The following TRAPPC9 variants were observed in gnomAD, a reference collection of about 807,000 sequenced individuals.
TRAPPC9 encodes trafficking protein particle complex subunit 9.
In TRAPPC9, 83 loss-of-function variants were observed where a neutral mutation model predicts 124.0. The observed-to-expected ratio is 0.67, with a 90% CI of 0.56 to 0.80. The LOEUF is 0.80. Among genes scored for constraint, TRAPPC9 ranks in the 30% least tolerant of loss-of-function variants. The pLI, the probability that TRAPPC9 is intolerant of heterozygous loss-of-function variation, is 0.00. For synonymous variants in TRAPPC9, 638 were observed against 617.5 expected (o/e 1.03, Z -0.49); for missense variants, 1,302 against 1,508.3 (o/e 0.86, Z 2.27).
Position 140,065,899 on chromosome 8 carries a change from A to T in TRAPPC9, c.2557-41820T>A, listed in dbSNP as rs895325781. 2.6e-5 allele frequency among the ~76,000 whole-genome samples: 4 copies of T among 152,240 alleles called. No homozygotes were observed. The South Asian group carries it at 6.2e-4, about 24-fold the overall frequency. On this transcript the variant is annotated intron_variant, in intron 17 of 22. Coordinates refer to ENST00000438773, the MANE Select transcript of TRAPPC9 (RefSeq NM_001160372.4). ...ATTTTGCAAACATTGACATTTGCCAATGTATCTTTACATGTACATGTATTC... is the reference window on the plus strand; with the variant it reads ...ATTTTGCAAACATTGACATTTGCCATTGTATCTTTACATGTACATGTATTC...
intron 21 of TRAPPC9, among the ~76,000 whole-genome samples, chr8:139,851,960 C>T (rs1030680604): frequency 6.6e-6 from 1 of 152,180 alleles, no homozygotes; most frequent in East Asian, 1.9e-4. Context: ...AAGGACGTCT[C>T]TGATATGGTT....
At chr8:139,895,609 A>T (rs1378381805) in intron 20 of TRAPPC9, among the ~76,000 whole-genome samples, 2 of 152,212 alleles carry the variant, frequency 1.3e-5, no homozygotes, top group African/African-American at 4.8e-5. Context: ...CCTTGGTAAC[A>T]TCATGAACAA....
At chr8:139,988,688 G>T in intron 19 of TRAPPC9, 38 bp downstream of exon 19, 2 of 1,387,388 alleles carry the variant, frequency 1.4e-6, no homozygotes, top group East Asian at 2.5e-5. Context: ...AAGGCAGAGG[G>T]TGGCCTGCGG....
chr8:140,388,712 G>C (rs2068830494), intron 7 of TRAPPC9, among the ~76,000 whole-genome samples: 1 of 151,736 alleles, frequency 6.6e-6, no homozygotes, highest in Non-Finnish European at 1.5e-5. Context: ...GTTGGGCGTG[G>C]TGGTGCATGC....
rs759060044 is a variant in TRAPPC9 at position 140,275,692 on chromosome 8, T to C, written c.2244A>G (p.Lys748=). The C allele has an allele frequency of 2.5e-6, 4 of 1,614,216 alleles. No homozygotes were observed. Among genetic ancestry groups the C allele is most frequent in the Non-Finnish European group, 3.4e-6 (4 of 1,180,022 alleles). ...LENIGMEPLE[K]LEVTSKVLTT... ...TGAGAACTTTCGAGGTGACCTCCAG[T>C]TTCTCCAATGGTTCCATTCCAATAT... Residue 748 remains lysine (K), a synonymous_variant, in exon 15 of 23, where the codon AAA becomes AAG. Coordinates refer to ENST00000438773, the MANE Select transcript of TRAPPC9 (RefSeq NM_001160372.4).
In TRAPPC9 at chr8:139,969,282, C is replaced by T. The variant is rs115156875; in HGVS notation, c.2810+19444G>A. On this transcript the variant is annotated intron_variant, in intron 19 of 22. Transcript: ENST00000438773. ...TTCTGTGCCCCTCCTTGGATGCCCC[C>T]GCCTCCTGTGCTCATTTGTACTGCA... Among the ~76,000 whole-genome samples, 591 of 152,356 alleles carry T rather than the reference C, an allele frequency of 3.9e-3. 2 individuals are homozygous for T. The highest frequency in any genetic ancestry group is 0.012 in the African/African-American group (519 of 41,582).
At chr8:140,173,103 T>C (rs2061997215) in intron 17 of TRAPPC9, among the ~76,000 whole-genome samples, 1 of 152,200 alleles carries the variant, frequency 6.6e-6, no homozygotes, top group Non-Finnish European at 1.5e-5. Context: ...AGGGTCTGCA[T>C]TTGTACTAGG....
intron 17 of TRAPPC9, among the ~76,000 whole-genome samples, chr8:140,029,476 G>C (rs1840364396): frequency 6.6e-6 from 1 of 152,104 alleles, no homozygotes; most frequent in South Asian, 2.1e-4. Context: ...CTTTCCTCCA[G>C]CCTGGGCGAC....
chr8:139,945,566 A>G (rs1298437378), intron 19 of TRAPPC9, among the ~76,000 whole-genome samples: 2 of 150,308 alleles, frequency 1.3e-5, no homozygotes, highest in African/African-American at 4.9e-5. Flanking sequence ...AAAAAAAAAA[A>G]AAAAAAACCA....
At chr8:140,099,153 G>C (rs1473627731) in intron 17 of TRAPPC9, 1 of 145,884 alleles carries the variant, frequency 6.9e-6, no homozygotes, top group Admixed American at 6.8e-5. Context: ...GCCGCAGTCC[G>C]CAGGGTACTG....
chr8:140,446,007 C>T (rs2071238769), intron 2 of TRAPPC9, among the ~76,000 whole-genome samples: 1 of 152,184 alleles, frequency 6.6e-6, no homozygotes, highest in Admixed American at 6.5e-5. Context: ...CAAATGCAGA[C>T]ACTGGCTTGG....
chr8:140,155,533 CG>C (rs1224593584), intron 17 of TRAPPC9, among the ~76,000 whole-genome samples: 1 of 152,178 alleles, frequency 6.6e-6, no homozygotes, highest in Non-Finnish European at 1.5e-5. Context: ...CATGTTACAA[CG>C]GAGGGGAGCT....
At chr8:140,317,552 A>G (rs10088329) in intron 9 of TRAPPC9, among the ~76,000 whole-genome samples, 5 of 152,166 alleles carry the variant, frequency 3.3e-5, no homozygotes, top group African/African-American at 1.2e-4. Flanking sequence ...CTGGATTCTC[A>G]TGGTCTCTGA....
chr8:140,128,668 G>A (rs2061142169), intron 17 of TRAPPC9, among the ~76,000 whole-genome samples: 1 of 152,204 alleles, frequency 6.6e-6, no homozygotes, highest in African/African-American at 2.4e-5. Context: ...CACTTTTCAA[G>A]AGAAAACTGG....
rs182076605 is a variant in TRAPPC9 at position 139,861,550 on chromosome 8, G to A, written c.3055+24329C>T. Among the ~76,000 whole-genome samples, 41 of 152,348 alleles carry A rather than the reference G, an allele frequency of 2.7e-4. No individual in the cohort carries two copies. The Middle Eastern group carries it at 0.01, about 38-fold the overall frequency. On this transcript the variant is annotated intron_variant, in intron 21 of 22. Transcript: ENST00000438773. ...GAAGCAAGGGGGCGAAGAGAACCAG[G>A]AAGTTAAACTTTAAAATGGAGAATC...
At chr8:140,187,283 G>T (rs920318402) in intron 17 of TRAPPC9, among the ~76,000 whole-genome samples, 2 of 152,170 alleles carry the variant, frequency 1.3e-5, no homozygotes, top group African/African-American at 2.4e-5. Context: ...AGTATACGCG[G>T]GGGCCTTGGA....
At chr8:140,325,234 A>G (rs1213679983) in intron 9 of TRAPPC9, among the ~76,000 whole-genome samples, 1 of 152,262 alleles carries the variant, frequency 6.6e-6, no homozygotes, top group Non-Finnish European at 1.5e-5. Flanking sequence ...TTAAATGTTC[A>G]TATTAGAAAA....
At chr8:139,863,076 T>C (rs1267375681) in intron 21 of TRAPPC9, among the ~76,000 whole-genome samples, 2 of 152,242 alleles carry the variant, frequency 1.3e-5, no homozygotes, top group Non-Finnish European at 1.5e-5. Context: ...CCCAGACTAC[T>C]GACAAAAGCT....
intron 18 of TRAPPC9, among the ~76,000 whole-genome samples, chr8:140,011,362 T>A (rs1839105265): frequency 1.3e-5 from 2 of 151,274 alleles, no homozygotes; most frequent in African/African-American, 2.4e-5. Flanking sequence ...AAAATAAAAA[T>A]AATAGTAACA....
Sources: allele counts gnomAD v4.1 joint callset (sites outside exome capture counted in the v4.1 genomes callset), GRCh38; gene constraint gnomAD v4.1.1; transcripts MANE v1.5; gene names NCBI Gene and HGNC (gene_info 2026-07-23, HGNC 2026-07-21).